The following INTS6 variants were observed in gnomAD, a reference collection of about 807,000 sequenced individuals.
The protein encoded by INTS6 is DEAD box protein.
In INTS6, 16 loss-of-function variants were observed where a neutral mutation model predicts 104.9. That is an observed-to-expected ratio of 0.15 (90% confidence interval 0.10 to 0.23). INTS6 has a LOEUF of 0.23. Among genes scored for constraint, INTS6 ranks in the 10% least tolerant of loss-of-function variants. INTS6 has a pLI of 1.00. For missense variants in INTS6, 584 were observed against 1,062.8 expected (o/e 0.55, Z 6.26); for synonymous variants, 324 against 358.7 (o/e 0.90, Z 1.09).
At chr13:51,400,272 T>C (rs746990347) in intron 4 of INTS6, among the ~76,000 whole-genome samples, 2 of 152,366 alleles carry the variant, frequency 1.3e-5, no homozygotes, top group South Asian at 2.1e-4. Context: ...GGATACATTA[T>C]AGTATTGCAA....
intron 10 of INTS6, among the ~76,000 whole-genome samples, chr13:51,380,020 G>A (rs1359703042): frequency 2.6e-5 from 4 of 152,170 alleles, no homozygotes; most frequent in African/African-American, 9.6e-5. Context: ...CTGGCTCTCT[G>A]TGGCTTAGTT....
In INTS6 at chr13:51,452,103, G is replaced by T. The variant is rs1170936242; in HGVS notation, c.112-48C>A. ...GGGCGGGCGACAGGGAAGCACAGAG[G>T]CGAGGTTACGAGGCGGAGAAGGGGC... On this transcript the variant is annotated intron_variant, in intron 1 of 17. Transcript: ENST00000311234. This position sits in a 1 kb window ranked among gnomAD's most constrained non-coding sequence, Gnocchi z 4.2. The T allele has an allele frequency of 6.4e-7, 1 of 1,565,956 alleles. No individual in the cohort carries two copies. Among genetic ancestry groups the T allele is most frequent in the Non-Finnish European group, 8.7e-7 (1 of 1,143,202 alleles).
At chr13:51,343,486 A>T in the INTS6 span, among the ~76,000 whole-genome samples, 3 of 152,246 alleles carry the variant, frequency 2.0e-5, no homozygotes, top group Non-Finnish European at 1.5e-5. Context: ...CATGGAAAGA[A>T]GGAAGCAATC....
intron 15 of INTS6, among the ~76,000 whole-genome samples, chr13:51,373,450 G>A (rs1955854562): frequency 1.3e-5 from 2 of 152,108 alleles, no homozygotes; most frequent in Admixed American, 1.3e-4. Flanking sequence ...ATCATTTTAA[G>A]CCTTTCAGTG....
chr13:51,398,990 T>C (rs566597455), intron 4 of INTS6, among the ~76,000 whole-genome samples: 3 of 152,298 alleles, frequency 2.0e-5, no homozygotes, highest in East Asian at 3.9e-4. Context: ...TTGAATGCCT[T>C]TGTGTAACTA....
intron 4 of INTS6, among the ~76,000 whole-genome samples, chr13:51,410,885 A>G (rs953314985): frequency 1.3e-5 from 2 of 152,142 alleles, no homozygotes; most frequent in Non-Finnish European, 1.5e-5. Flanking sequence ...AGAGGTCAGG[A>G]TGCTCACTTG....
At chr13:51,385,742 C>T (rs1292763038) in intron 7 of INTS6, among the ~76,000 whole-genome samples, 1 of 152,158 alleles carries the variant, frequency 6.6e-6, no homozygotes, top group African/African-American at 2.4e-5. Flanking sequence ...TAATATCCTT[C>T]AGTTACTAAA....
intron 12 of INTS6, among the ~76,000 whole-genome samples, chr13:51,377,828 A>T (rs1281118664): frequency 1.3e-5 from 2 of 152,146 alleles, no homozygotes; most frequent in Non-Finnish European, 2.9e-5. Context: ...TTTTAGAATC[A>T]GCTTGCCTAT....
rs1291540119 is a variant in INTS6, at chr13:51,362,449, T to G, written c.*3303A>C. 1 of 153,244 alleles carries G rather than the reference T, an allele frequency of 6.5e-6. No homozygotes were observed. Among genetic ancestry groups the G allele is most frequent in the Non-Finnish European group, 1.5e-5 (1 of 68,596 alleles). The allele number at this position is 153,244 out of a possible 1,614,324, so 9.5% of individuals were successfully genotyped here. A position where few individuals can be genotyped will look rare whatever the true frequency, so the allele number is the denominator to read the frequency against. ...TGGTGTGGTACCGGCAAAGCCTCAGTACATCAGAAGGACACACAAATATTC... is the reference window on the plus strand; with the variant it reads ...TGGTGTGGTACCGGCAAAGCCTCAGGACATCAGAAGGACACACAAATATTC... On this transcript the variant is annotated 3_prime_UTR_variant, in exon 18 of 18. Coordinates refer to ENST00000311234, the MANE Select transcript of INTS6 (RefSeq NM_012141.3).
At chr13:51,334,735 A>C in the INTS6 span, among the ~76,000 whole-genome samples, 1 of 152,104 alleles carries the variant, frequency 6.6e-6, no homozygotes, top group African/African-American at 2.4e-5. Context: ...TAATCCCAGC[A>C]CTTTGGGAGG....
chr13:51,389,571 C>A, intron 5 of INTS6, 127 bp from the exon 6 acceptor site: 1 of 837,450 alleles, frequency 1.2e-6, no homozygotes, highest in South Asian at 3.4e-5. Context: ...AACAAAAGTT[C>A]AATGGTAAAA....
intron 13 of INTS6, among the ~76,000 whole-genome samples, chr13:51,375,427 A>G (rs1359869330): frequency 6.6e-6 from 1 of 151,962 alleles, no homozygotes; most frequent in African/African-American, 2.4e-5. Context: ...TTCCAAATAA[A>G]CAGAATTTAA....
downstream of INTS6, chr13:51,361,572 GAA>G (rs556046679): frequency 7.3e-4 from 428 of 586,004 alleles, 2 homozygotes; most frequent in Non-Finnish European, 1.1e-3. Flanking sequence ...AAATAATTCT[GAA>G]AGTTACCTTC....
intron 3 of INTS6, chr13:51,442,913 A>T (rs1400943800): frequency 6.6e-6 from 1 of 152,242 alleles, no homozygotes; most frequent in Non-Finnish European, 1.5e-5. Flanking sequence ...GGGAGGAAGG[A>T]ATCCAACTAA....
the INTS6 span, among the ~76,000 whole-genome samples, chr13:51,347,686 A>C: frequency 2.0e-5 from 3 of 152,194 alleles, no homozygotes; most frequent in Non-Finnish European, 2.9e-5. Context: ...CAAGTTTTAA[A>C]CTGCACGCCC....
In INTS6 at chr13:51,452,633, C is replaced by T; in HGVS notation, c.-108G>A. 6.6e-7 allele frequency: 1 copy of T among 1,509,082 alleles called. No homozygotes were observed. Among genetic ancestry groups the T allele is most frequent in the Non-Finnish European group, 8.9e-7 (1 of 1,126,994 alleles). The allele number at this position is 1,509,082 out of a possible 1,614,324, so 93.5% of individuals were successfully genotyped here. ...CGCTACGCGGGGCGGGGGAGCACGG[C>T]CCCCGGGAGGAAAACACTGTCTGGG... On this transcript the variant is annotated 5_prime_UTR_variant, in exon 1 of 18. Transcript: ENST00000311234. This position sits in a 1 kb window ranked among gnomAD's most constrained non-coding sequence, Gnocchi z 4.2.
chr13:51,343,014 C>A, the INTS6 span, among the ~76,000 whole-genome samples: 1 of 152,126 alleles, frequency 6.6e-6, no homozygotes, highest in East Asian at 1.9e-4. Flanking sequence ...CCTCTGCAGC[C>A]TCGTTTGGCT....
At chr13:51,426,277 G>A (rs1956984226) in intron 4 of INTS6, among the ~76,000 whole-genome samples, 1 of 152,144 alleles carries the variant, frequency 6.6e-6, no homozygotes, top group African/African-American at 2.4e-5. Context: ...CAAGTTATAA[G>A]AAATTGGTTC....
the INTS6 span, chr13:51,347,318 C>T: frequency 8.4e-7 from 1 of 1,188,916 alleles, no homozygotes; most frequent in Non-Finnish European, 1.2e-6. Context: ...GTCCCTGCTC[C>T]TAAGGGATCG....
Sources: gnomAD v4.1 joint callset for allele counts (sites outside exome capture counted in the v4.1 genomes callset) on GRCh38, gnomAD v4.1.1 for gene constraint, Gnocchi (gnomAD v3.1) non-coding constraint, MANE v1.5 for transcripts, NCBI Gene and HGNC (gene_info 2026-07-23, HGNC 2026-07-21) for gene names.